ACACB: variants seen among roughly 807,000 people sequenced by gnomAD.
ACACB encodes the protein acetyl-CoA carboxylase 2.
A neutral mutation model predicts 278.8 loss-of-function variants in ACACB; 209 were observed. That is an observed-to-expected ratio of 0.75 (90% CI 0.67 to 0.84). The LOEUF (loss-of-function observed/expected upper bound fraction) is 0.84, where lower values mean the gene tolerates loss of function less well. Ranked by LOEUF, ACACB falls within the 40% of genes least tolerant of loss-of-function variation. The pLI, the probability that ACACB is intolerant of heterozygous loss-of-function variation, is 0.00. For synonymous variants in ACACB, 1,174 were observed against 1,285.6 expected (o/e 0.91, Z 1.86); for missense variants, 2,850 against 3,269.0 (o/e 0.87, Z 3.13).
chr12:109,133,073 G>C (rs1051055447), intron 1 of ACACB, among the ~76,000 whole-genome samples: 3 of 152,078 alleles, frequency 2.0e-5, no homozygotes, highest in Non-Finnish European at 4.4e-5. Flanking sequence ...CCATCCATTT[G>C]TCCAGCCAGC....
chr12:109,172,213 C>A, intron 5 of ACACB, 62 bp from the exon 6 acceptor site: 1 of 1,517,498 alleles, frequency 6.6e-7, no homozygotes, highest in Non-Finnish European at 9.1e-7. Flanking sequence ...TGAGTTACTG[C>A]ACCTGGCTGG....
chr12:109,222,807 T>G lies in ACACB; in HGVS notation c.3687T>G (p.Ile1229Met), dbSNP rs1390189451. Residue 1229 changes from isoleucine to methionine, a missense_variant, in exon 26 of 53, where the codon ATT (isoleucine) becomes ATG (methionine). By Grantham distance (10) the Ile-to-Met change is conservative. Transcript: ENST00000338432. ...CATCCCTCCCCCTGCAGATCCTGAT[T>G]GCCTCCCACCTCCCCTCCTACGAGC... ...KVALRARQIL[I>M]ASHLPSYELR... 5 of 1,613,346 alleles carry G rather than the reference T, an allele frequency of 3.1e-6. No individual in the cohort carries two copies. The highest frequency in any genetic ancestry group is 1.1e-5 in the South Asian group (1 of 91,032).
At chr12:109,235,430 T>C in intron 32 of ACACB, 61 bp downstream of exon 32, 1 of 1,528,708 alleles carries the variant, frequency 6.5e-7, no homozygotes. Context: ...TGTGTGCCAT[T>C]TATTTGATAT....
At chr12:109,119,238 G>T (rs1040277186) in intron 1 of ACACB, among the ~76,000 whole-genome samples, 12 of 152,102 alleles carry the variant, frequency 7.9e-5, no homozygotes, top group African/African-American at 2.4e-4. Flanking sequence ...TGCTCTCTGG[G>T]CTCATACCTT....
chr12:109,156,218 T>C (rs111576575), intron 2 of ACACB, among the ~76,000 whole-genome samples: 58 of 148,890 alleles, frequency 3.9e-4, no homozygotes, highest in African/African-American at 1.3e-3. Flanking sequence ...CTGGGCAACA[T>C]AGCAAGACCC....
At chr12:109,141,201 A>ATTCG (rs2043115350) in intron 2 of ACACB, among the ~76,000 whole-genome samples, 1 of 152,058 alleles carries the variant, frequency 6.6e-6, no homozygotes, top group Admixed American at 6.6e-5. Flanking sequence ...CAGCCCATTC[A>ATTCG]TTCATTCATT....
At chr12:109,124,655 G>A (rs2436630) in intron 1 of ACACB, among the ~76,000 whole-genome samples, 49,094 of 151,986 alleles carry the variant, frequency 0.32, 9,098 homozygotes, top group African/African-American at 0.51. Context: ...TTCTACTTCC[G>A]TCAATCTTTC....
At chr12:109,183,778 C>T (rs574764525) in intron 11 of ACACB, among the ~76,000 whole-genome samples, 1 of 152,078 alleles carries the variant, frequency 6.6e-6, no homozygotes, top group Non-Finnish European at 1.5e-5. Flanking sequence ...TATTTCTTCT[C>T]TAAATTGTTT....
chr12:109,207,232 A>G (rs2045548666), intron 20 of ACACB, among the ~76,000 whole-genome samples: 1 of 152,254 alleles, frequency 6.6e-6, no homozygotes, highest in South Asian at 2.1e-4. Context: ...CTGGGATTAC[A>G]GGCCTGAGCC....
At chr12:109,121,350 C>T (rs1187287829) in intron 1 of ACACB, among the ~76,000 whole-genome samples, 1 of 152,134 alleles carries the variant, frequency 6.6e-6, no homozygotes, top group Non-Finnish European at 1.5e-5. Context: ...TGCAAATAGA[C>T]TGGGGAAGGG....
At chr12:109,158,366 ATTT>A (rs34705590) in intron 2 of ACACB, among the ~76,000 whole-genome samples, 66 of 147,756 alleles carry the variant, frequency 4.5e-4, no homozygotes, top group Middle Eastern at 3.4e-3. Context: ...GATTCTTTTG[ATTT>A]TTTTTTTTTT....
At chr12:109,155,393 T>G (rs776208915) in intron 2 of ACACB, among the ~76,000 whole-genome samples, 1 of 152,218 alleles carries the variant, frequency 6.6e-6, no homozygotes, top group African/African-American at 2.4e-5. Context: ...CCTGAGTGCT[T>G]TGTAGCTCTA....
At chr12:109,186,539 CT>C (rs1225118609) in intron 12 of ACACB, among the ~76,000 whole-genome samples, 1 of 152,070 alleles carries the variant, frequency 6.6e-6, no homozygotes, top group Non-Finnish European at 1.5e-5. Flanking sequence ...GTGACTTGGC[CT>C]TACTTGGGTC....
At chr12:109,230,693 G>A (rs2046443201) in intron 28 of ACACB, among the ~76,000 whole-genome samples, 1 of 152,210 alleles carries the variant, frequency 6.6e-6, no homozygotes, top group South Asian at 2.1e-4. Flanking sequence ...GCCTCCCAAA[G>A]TGCTGATATT....
At chr12:109,230,079 C>T (rs763519628) in intron 28 of ACACB, among the ~76,000 whole-genome samples, 4 of 152,122 alleles carry the variant, frequency 2.6e-5, no homozygotes, top group East Asian at 1.9e-4. Flanking sequence ...TTTGGGAGTT[C>T]GGTTGATCAG....
intron 33 of ACACB, 167 bp downstream of exon 33, chr12:109,235,814 A>G (rs1353804561): frequency 1.2e-5 from 7 of 601,926 alleles, no homozygotes; most frequent in Non-Finnish European, 2.0e-5. Context: ...CCTGGGTTAT[A>G]TAGTGAGACC....
intron 18 of ACACB, 42 bp from the exon 19 acceptor site, chr12:109,201,525 A>G (rs190389363): frequency 2.1e-4 from 334 of 1,606,484 alleles, no homozygotes; most frequent in Non-Finnish European, 2.7e-4. Flanking sequence ...CTGGGTGTCA[A>G]TCCCGGTGGG....
At chr12:109,228,033 CAAAAAAA>C (rs1444511686) in intron 28 of ACACB, among the ~76,000 whole-genome samples, 1 of 71,912 alleles carries the variant, frequency 1.4e-5, no homozygotes, top group South Asian at 5.1e-4. Flanking sequence ...GACTCCGTCT[CAAAAAAA>C]AAAAAAAAAA....
rs1451650539 is a variant in ACACB, at chr12:109,209,897, A to G, written c.3249+544A>G. 6.9e-5 allele frequency among the ~76,000 whole-genome samples: 8 copies of G among 115,234 alleles called. 2 individuals are homozygous for G. In the East Asian group the frequency reaches 2.1e-3, roughly 30 times the overall value. 75.6% of individuals were successfully genotyped at this position (115,234 alleles called of 152,430 possible). A position where few individuals can be genotyped will look rare whatever the true frequency, so the allele number is the denominator to read the frequency against. On this transcript the variant is annotated intron_variant, in intron 21 of 52. Transcript: ENST00000338432. ...CACACACGTGTGTATATATGTATATACACACATACACACACGTGTGTATAT... is the reference window on the plus strand; with the variant it reads ...CACACACGTGTGTATATATGTATATGCACACATACACACACGTGTGTATAT...
Sources: allele counts gnomAD v4.1 joint callset (sites outside exome capture counted in the v4.1 genomes callset), GRCh38; gene constraint gnomAD v4.1.1; transcripts MANE v1.5; gene names NCBI Gene and HGNC (gene_info 2026-07-23, HGNC 2026-07-21).